PCDH20: variants seen among roughly 807,000 people sequenced by gnomAD.
The protein encoded by PCDH20 is protocadherin 20.
PCDH20 carries 18 observed loss-of-function variants against 39.7 expected under a neutral mutation model. The observed-to-expected ratio is 0.45, with a 90% CI of 0.31 to 0.67. PCDH20 has a LOEUF of 0.67. PCDH20 is among the 30% of genes least tolerant of loss of function. The pLI is 0.05. For missense variants in PCDH20, 1,161 were observed against 1,167.4 expected (o/e 0.99, Z 0.08); for synonymous variants, 495 against 455.4 (o/e 1.09, Z -1.11).
At chr13:61,412,106 C>T in exon 2 of PCDH20, 1 of 1,614,152 alleles carries the variant, frequency 6.2e-7, no homozygotes, top group Non-Finnish European at 8.5e-7. Flanking sequence ...GCGTCAGCAT[C>T]TGTTACACTA....
In PCDH20 at chr13:61,413,167, C is replaced by G; in HGVS notation, c.932G>C (p.Ser311Thr). ...GAGAGGGCAATTGTCATTAATGTCA[C>G]TGATGCCAATGGTGAGAGTGGCACT... Residue 311 changes from serine to threonine, a missense_variant, in exon 2 of 2, where the codon AGT becomes ACT. Coordinates refer to ENST00000409204, the Ensembl canonical transcript of PCDH20. 6.2e-7 allele frequency: 1 copy of G among 1,614,160 alleles called. No homozygotes were observed. Among genetic ancestry groups the G allele is most frequent in the Non-Finnish European group, 8.5e-7 (1 of 1,180,030 alleles).
exon 2 of PCDH20, chr13:61,413,484 G>A (rs768094599): frequency 6.8e-6 from 11 of 1,613,686 alleles, no homozygotes; most frequent in African/African-American, 6.7e-5. Context: ...ACTGCGGGGC[G>A]TTGTCATTGA....
chr13:61,412,937 C>T, exon 2 of PCDH20: 1 of 1,614,160 alleles, frequency 6.2e-7, no homozygotes, highest in Non-Finnish European at 8.5e-7. Flanking sequence ...AGAACACTTC[C>T]TCCAATCTTA....
rs1015836540 is a variant in PCDH20 at position 61,414,889 on chromosome 13, A to G, written c.132+138T>C. 10 of 1,078,208 alleles carry G rather than the reference A, an allele frequency of 9.3e-6. No individual in the cohort carries two copies. In the South Asian group the frequency reaches 3.0e-4, roughly 32 times the overall value. The allele number at this position is 1,078,208 out of a possible 1,614,324, so 66.8% of individuals were successfully genotyped here. ...TTAAAAGGAAGACACATTATCCCAAACTCCCTTTCCCTCCCGGCGCCATCC... is the reference window on the plus strand; with the variant it reads ...TTAAAAGGAAGACACATTATCCCAAGCTCCCTTTCCCTCCCGGCGCCATCC... On this transcript the variant is annotated intron_variant, in intron 1 of 1. Coordinates refer to ENST00000409204, the Ensembl canonical transcript of PCDH20.
At position 61,413,240 on chromosome 13, in the gene PCDH20, C is replaced by T. The variant is rs1272202861; in HGVS notation, c.859G>A (p.Val287Met). ...CCATCCTCAGCTATGATGATGCTCA[C>T]ATACTGGTCCTGGGTTTCCCTGTCC... The change falls in exon 2 of 2, where the codon GTG becomes ATG. Residue 287 changes from valine (V) to methionine (M), a missense_variant. By Grantham distance (21) the Val-to-Met change is conservative (BLOSUM62 1). Around this residue, in one of 3 missense-constraint regions of PCDH20, gnomAD observed 6 missense variants for 21.3 expected, o/e 0.28. Coordinates refer to ENST00000409204, the Ensembl canonical transcript of PCDH20. 6 of 1,614,130 alleles carry T rather than the reference C, an allele frequency of 3.7e-6. No individual in the cohort carries two copies. The highest frequency in any genetic ancestry group is 4.5e-5 in the East Asian group (2 of 44,866).
Position 61,412,138 on chromosome 13 carries a change from C to T in PCDH20, c.1961G>A (p.Gly654Asp), listed in dbSNP as rs926675800. 6.2e-5 allele frequency: 100 copies of T among 1,614,004 alleles called. No homozygotes were observed. The highest frequency in any genetic ancestry group is 8.0e-5 in the Non-Finnish European group (94 of 1,180,028). Reference sequence around the variant, plus strand: ...ACTAATTACTCCAATCTCACCATAGCCTGGAAAGTTTTCAGGCACAAAAAA... The same window carrying T: ...ACTAATTACTCCAATCTCACCATAGTCTGGAAAGTTTTCAGGCACAAAAAA... The change falls in exon 2 of 2, where the codon GGC becomes GAC. Residue 654 changes from glycine to aspartate, a missense_variant. Physicochemically the swap from Gly to Asp is moderately conservative, Grantham distance 94. Coordinates refer to ENST00000409204, the Ensembl canonical transcript of PCDH20.
At chr13:61,413,071 T>G in exon 2 of PCDH20, 3 of 1,614,204 alleles carry the variant, frequency 1.9e-6, no homozygotes, top group Non-Finnish European at 2.5e-6. Context: ...ATCCACAGCC[T>G]GGACAGCTGC....
At chr13:61,415,339 C>A (rs952128554) in exon 1 of PCDH20, 2 of 682,770 alleles carry the variant, frequency 2.9e-6, no homozygotes, top group Non-Finnish European at 4.2e-6. Flanking sequence ...TGGTTTCCTG[C>A]CCCGGACGCA....
chr13:61,415,092 G>GCCAGGTCGCCGGGCA, exon 1 of PCDH20: 2 of 1,567,574 alleles, frequency 1.3e-6, no homozygotes, highest in South Asian at 1.2e-5. Context: ...AGGCGCGGGT[G>GCCAGGTCGCCGGGCA]CCAGGTCGCC....
chr13:61,413,369 C>A (rs1871454668), exon 2 of PCDH20: 1 of 1,614,052 alleles, frequency 6.2e-7, no homozygotes, highest in Non-Finnish European at 8.5e-7. Flanking sequence ...TAGGTCTGTA[C>A]CCCATTAATG....
At chr13:61,410,073 G>A (rs1302291911) in exon 2 of PCDH20, 2 of 152,072 alleles carry the variant, frequency 1.3e-5, no homozygotes, top group Non-Finnish European at 2.9e-5. Flanking sequence ...TTCATTGCAA[G>A]AGATTCAGTA....
chr13:61,415,097 G>T (rs772906489), exon 1 of PCDH20: 1 of 1,563,380 alleles, frequency 6.4e-7, no homozygotes, highest in Middle Eastern at 1.9e-4. Flanking sequence ...CGGGTGCCAG[G>T]TCGCCGGGCA....
At chr13:61,412,505 C>A (rs1878267761) in exon 2 of PCDH20, 2 of 1,614,192 alleles carry the variant, frequency 1.2e-6, no homozygotes, top group South Asian at 2.2e-5. Flanking sequence ...AAAATTGGAG[C>A]ATTATCATTG....
At chr13:61,413,459 T>C in exon 2 of PCDH20, 1 of 1,613,602 alleles carries the variant, frequency 6.2e-7, no homozygotes, top group Non-Finnish European at 8.5e-7. Context: ...CACACCGAGA[T>C]CTGGGAAACA....
At chr13:61,412,242 T>A (rs774405422) in exon 2 of PCDH20, 1 of 1,614,062 alleles carries the variant, frequency 6.2e-7, no homozygotes, top group Middle Eastern at 1.6e-4. Context: ...CTACTGATTC[T>A]CTGGGTGGCT....
chr13:61,410,421 T>C (rs779187050), exon 2 of PCDH20: 1 of 152,214 alleles, frequency 6.6e-6, no homozygotes, highest in African/African-American at 2.4e-5. Flanking sequence ...AACTAAAGAT[T>C]GAAGCATTTC....
intron 1 of PCDH20, 146 bp from the exon 2 acceptor site, chr13:61,414,112 C>T: frequency 1.4e-6 from 1 of 740,266 alleles, no homozygotes; most frequent in Non-Finnish European, 2.2e-6. Flanking sequence ...GGAGAAGAAC[C>T]CTGCTGCGAA....
At chr13:61,413,442 C>T (rs1263843852) in exon 2 of PCDH20, 2 of 1,613,768 alleles carry the variant, frequency 1.2e-6, no homozygotes, top group East Asian at 4.5e-5. Context: ...GTGCATTTTC[C>T]GGGACCCACA....
At chr13:61,411,568 T>C (rs778623082) in exon 2 of PCDH20, 4 of 1,614,098 alleles carry the variant, frequency 2.5e-6, no homozygotes, top group Admixed American at 3.3e-5. Flanking sequence ...GACAGTGTCA[T>C]TGACAAATAG....
Sources: gnomAD v4.1 joint callset for allele counts on GRCh38, gnomAD v4.1.1 for gene constraint, gnomAD v4.1.1 regional missense constraint, MANE v1.5 for transcripts, NCBI Gene and HGNC (gene_info 2026-07-23, HGNC 2026-07-21) for gene names.